The following ULK1 variants were observed in gnomAD, a reference collection of about 807,000 sequenced individuals.
ULK1 encodes unc-51 like autophagy activating kinase 1, also known as serine/threonine-protein kinase ULK1.
Under a neutral mutation model 117.5 loss-of-function variants are expected in ULK1, and 48 were observed. The observed-to-expected ratio is 0.41, with a 90% CI of 0.32 to 0.52. The LOEUF is 0.52. Among genes scored for constraint, ULK1 ranks in the 20% least tolerant of loss-of-function variants. The pLI, the probability that ULK1 is intolerant of heterozygous loss-of-function variation, is 0.29. For missense variants in ULK1, 1,387 were observed against 1,473.4 expected, an observed-to-expected ratio of 0.94 and a Z score of 0.96; for synonymous variants, 790 against 637.8, an observed-to-expected ratio of 1.24 and a Z score of -3.60.
Position 131,913,198 on chromosome 12 carries a change from G to A in ULK1, c.1097G>A (p.Gly366Asp). 6.3e-7 allele frequency: 1 copy of A among 1,581,940 alleles called. No homozygotes were observed. The highest frequency in any genetic ancestry group is 8.6e-7 in the Non-Finnish European group (1 of 1,167,730). ...DFVMVPAQFP[G>D]DLVAEAPSAK... is the part of the protein sequence containing the mutation. ...GGCCCAGCCTTGTCTCCCCCTGCAG[G>A]TGACCTGGTGGCTGAGGCGCCCAGT... The change falls in exon 14 of 28, where the codon GGT becomes GAT. Residue 366 changes from glycine (G) to aspartate (D), a missense_variant and splice_region_variant. Around this residue, in one of 4 missense-constraint regions of ULK1, gnomAD observed 260 missense variants for 271.6 expected, o/e 0.96. Coordinates refer to ENST00000321867, the MANE Select transcript of ULK1 (RefSeq NM_003565.4).
At chr12:131,911,201 G>A (rs1889519429) in intron 12 of ULK1, among the ~76,000 whole-genome samples, 1 of 152,218 alleles carries the variant, frequency 6.6e-6, no homozygotes, top group African/African-American at 2.4e-5. Context: ...CATGGGAGGG[G>A]TCTGCAGAGC....
At position 131,913,219 on chromosome 12, in the gene ULK1, C is replaced by T; in HGVS notation, c.1118C>T (p.Pro373Leu). 1 of 1,589,830 alleles carries T rather than the reference C, an allele frequency of 6.3e-7. No homozygotes were observed. Among genetic ancestry groups the T allele is most frequent in the Non-Finnish European group, 8.5e-7 (1 of 1,170,352 alleles). Residue 373 changes from proline to leucine, a missense_variant, in exon 14 of 28, where the codon CCC becomes CTC. Pro to Leu is a moderately conservative substitution (Grantham distance 98). Transcript: ENST00000321867. ...GCAGGTGACCTGGTGGCTGAGGCGC[C>T]CAGTGCCAAACCCCCGCCAGACAGC... ...QFPGDLVAEA[P>L]SAKPPPDSLM...
chr12:131,908,615 C>G, intron 5 of ULK1, 29 bp from the exon 6 acceptor site: 1 of 1,451,604 alleles, frequency 6.9e-7, no homozygotes, highest in Non-Finnish European at 9.0e-7. Flanking sequence ...AAACACGGCC[C>G]CCAGGCCCTG....
At chr12:131,908,246 A>G (rs1889358229) in intron 5 of ULK1, among the ~76,000 whole-genome samples, 1 of 152,016 alleles carries the variant, frequency 6.6e-6, no homozygotes, top group Non-Finnish European at 1.5e-5. Context: ...TGGGAGACAG[A>G]CGCTGAGGCC....
chr12:131,902,546 G>A lies in ULK1; in HGVS notation c.247-4346G>A, dbSNP rs1889129437. 6.6e-6 allele frequency among the ~76,000 whole-genome samples: 1 copy of A among 152,200 alleles called. No individual in the cohort carries two copies. The highest frequency in any genetic ancestry group is 2.4e-5 in the African/African-American group (1 of 41,446). On this transcript the variant is annotated intron_variant, in intron 3 of 27. Transcript: ENST00000321867. This position sits in a 1 kb window ranked among gnomAD's most constrained non-coding sequence, Gnocchi z 6.3. ...AGGCATGCTGCCTGGAGACAGTGGG[G>A]TGTTGATATTGCTGTCTTTTTGAAG...
Position 131,895,778 on chromosome 12 carries a change from C to T in ULK1, c.205-5C>T. Reference sequence around the variant, plus strand: ...ACTGATAACAAACTTGGGTTTCTGTCCTAGGAACTGAAACATGAAAACATC... The same window carrying T: ...ACTGATAACAAACTTGGGTTTCTGTTCTAGGAACTGAAACATGAAAACATC... On this transcript the variant is annotated splice_region_variant and splice_polypyrimidine_tract_variant and intron_variant, in intron 2 of 27. Coordinates refer to ENST00000321867, the MANE Select transcript of ULK1 (RefSeq NM_003565.4). 1.2e-6 allele frequency: 2 copies of T among 1,614,142 alleles called. No individual in the cohort carries two copies. The highest frequency in any genetic ancestry group is 2.2e-5 in the South Asian group (2 of 91,082).
chr12:131,900,058 A>G (rs1566113679), intron 3 of ULK1, among the ~76,000 whole-genome samples: 1 of 144,750 alleles, frequency 6.9e-6, no homozygotes, highest in African/African-American at 2.6e-5. Flanking sequence ...TGGAGGCTGC[A>G]GTGAGCTGAG....
rs770474167 is a variant in ULK1 at position 131,921,770 on chromosome 12, C to T, written c.*409C>T. The T allele has an allele frequency of 1.3e-4, 69 of 518,308 alleles. No homozygotes were observed. The highest frequency in any genetic ancestry group is 5.6e-4 in the East Asian group (11 of 19,568). 32.1% of individuals were successfully genotyped at this position (518,308 alleles called of 1,614,324 possible). A position where few individuals can be genotyped will look rare whatever the true frequency, so the allele number is the denominator to read the frequency against. ...TGTGCCCAGGAAGAGCCTGCGGCCT[C>T]GGCGTCCCCCAGTCTCCAGGAGCCT... On this transcript the variant is annotated 3_prime_UTR_variant, in exon 28 of 28. Transcript: ENST00000321867.
chr12:131,918,707 C>T (rs1172358707), intron 23 of ULK1, 26 bp downstream of exon 23: 6 of 1,142,888 alleles, frequency 5.2e-6, no homozygotes, highest in Non-Finnish European at 6.7e-6. Flanking sequence ...AGCAAAGGTT[C>T]CCATTCTGGC....
intron 3 of ULK1, among the ~76,000 whole-genome samples, chr12:131,900,313 GGTT>G (rs1400326122): frequency 2.0e-5 from 3 of 152,156 alleles, no homozygotes; most frequent in Non-Finnish European, 2.9e-5. Flanking sequence ...TGACTGTTGA[GGTT>G]GTTATTTTTG....
intron 16 of ULK1, among the ~76,000 whole-genome samples, chr12:131,914,682 C>T (rs572197262): frequency 2.0e-4 from 30 of 152,354 alleles, no homozygotes; most frequent in African/African-American, 7.0e-4. Context: ...TAAAATCTCT[C>T]TAGTTTATAA....
At position 131,909,905 on chromosome 12, in the gene ULK1, T is replaced by C; in HGVS notation, c.726-14T>C. 1 of 1,611,448 alleles carries C rather than the reference T, an allele frequency of 6.2e-7. No homozygotes were observed. ...CCCGCAGGCCCTGCTCACACCAGCCTCCTCTTGCCCCAGCATCCCCCGGGA... is the reference window on the plus strand; with the variant it reads ...CCCGCAGGCCCTGCTCACACCAGCCCCCTCTTGCCCCAGCATCCCCCGGGA... On this transcript the variant is annotated splice_polypyrimidine_tract_variant and intron_variant, in intron 9 of 27. Coordinates refer to ENST00000321867, the MANE Select transcript of ULK1 (RefSeq NM_003565.4).
At position 131,912,009 on chromosome 12, in the gene ULK1, A is replaced by T; in HGVS notation, c.1016A>T (p.His339Leu). The stretch of plus-strand genomic sequence containing the variant: ...CCGGCTGACACCGCTGGCTTCCTGC[A>T]CAGCTCCCGGGACTCTGGTGGCAGC... ...ASPADTAGFL[H>L]SSRDSGGSKD... is the part of the protein sequence containing the mutation. The change falls in exon 13 of 28, where the codon CAC (histidine) becomes CTC (leucine). Residue 339 changes from histidine to leucine, a missense_variant. His to Leu is a moderately conservative substitution (Grantham distance 99). This residue lies in a region of ULK1 where 260 missense variants were observed against 271.6 expected (regional missense o/e 0.96). Transcript: ENST00000321867. The T allele has an allele frequency of 1.9e-6, 3 of 1,612,900 alleles. No individual in the cohort carries two copies. The highest frequency in any genetic ancestry group is 2.5e-6 in the Non-Finnish European group (3 of 1,179,984).
At chr12:131,899,447 G>A (rs1056834490) in intron 3 of ULK1, among the ~76,000 whole-genome samples, 1 of 150,568 alleles carries the variant, frequency 6.6e-6, no homozygotes, top group Non-Finnish European at 1.5e-5. Flanking sequence ...ATCGGCCTCC[G>A]AAAGTGCTAG....
Position 131,919,968 on chromosome 12 carries a change from G to T in ULK1, c.2804-11G>T, listed in dbSNP as rs368209587. 77 of 1,610,656 alleles carry T rather than the reference G, an allele frequency of 4.8e-5. No homozygotes were observed. Among genetic ancestry groups the T allele is most frequent in the Non-Finnish European group, 6.2e-5 (73 of 1,178,398 alleles). The stretch of plus-strand genomic sequence containing the variant: ...GCTGCACCCTGAGCTGACCACCCTC[G>T]TCCTTTGCAGTGGTGCGCAGGCTGA... On this transcript the variant is annotated splice_polypyrimidine_tract_variant and intron_variant, in intron 25 of 27. Coordinates refer to ENST00000321867, the MANE Select transcript of ULK1 (RefSeq NM_003565.4).
At chr12:131,899,070 A>G (rs1888988872) in intron 3 of ULK1, among the ~76,000 whole-genome samples, 1 of 145,198 alleles carries the variant, frequency 6.9e-6, no homozygotes, top group Non-Finnish European at 1.5e-5. Context: ...AATTTATACA[A>G]TTTTCGCCAC....
intron 22 of ULK1, among the ~76,000 whole-genome samples, chr12:131,917,842 G>T (rs903342639): frequency 2.6e-5 from 4 of 152,230 alleles, no homozygotes; most frequent in African/African-American, 9.6e-5. Context: ...ACGGTGTCTG[G>T]ATCATGGCCT....
chr12:131,922,374 T>C lies in ULK1; in HGVS notation c.*1013T>C. ...GTGTGTGCCCAGCACCCTCCCTACC[T>C]GGGCCTGGAAGCAGATGAGGGGAAT... On this transcript the variant is annotated 3_prime_UTR_variant, in exon 28 of 28. Transcript: ENST00000321867. 4.1e-6 allele frequency: 1 copy of C among 242,238 alleles called. No individual in the cohort carries two copies. The highest frequency in any genetic ancestry group is 8.4e-6 in the Non-Finnish European group (1 of 118,422). 15.0% of individuals were successfully genotyped at this position (242,238 alleles called of 1,614,324 possible).
In ULK1 at chr12:131,913,769, G is replaced by T. The variant is rs754094216; in HGVS notation, c.1180G>T (p.Gly394Cys). The T allele has an allele frequency of 1.7e-5, 27 of 1,571,938 alleles. No individual in the cohort carries two copies. The South Asian group carries it at 3.0e-4, about 17-fold the overall frequency. Residue 394 changes from glycine to cysteine, a missense_variant, in exon 15 of 28, where the codon GGC (glycine) becomes TGC (cysteine). Around this residue, in one of 4 missense-constraint regions of ULK1, gnomAD observed 260 missense variants for 271.6 expected, o/e 0.96. Coordinates refer to ENST00000321867, the MANE Select transcript of ULK1 (RefSeq NM_003565.4). ...CAGGAGCTCACTGGTGGCCTCTGCG[G>T]GCTTGGAGAGCCACGGCCGGACCCC... ...CSGSSLVASAGLESHGRTPSP... is the reference protein window; with the variant it reads ...CSGSSLVASACLESHGRTPSP...
Sources: allele counts gnomAD v4.1 joint callset (sites outside exome capture counted in the v4.1 genomes callset), GRCh38; gene constraint gnomAD v4.1.1; regional missense constraint gnomAD v4.1.1; non-coding constraint Gnocchi (gnomAD v3.1); transcripts MANE v1.5; gene names NCBI Gene and HGNC (gene_info 2026-07-23, HGNC 2026-07-21).